AP2B1: variants seen among roughly 807,000 people sequenced by gnomAD.
AP2B1 encodes AP-2 complex subunit beta.
Under a neutral mutation model 102.0 loss-of-function variants are expected in AP2B1, and 23 were observed. That is an observed-to-expected ratio of 0.23 (90% CI 0.16 to 0.32). The LOEUF is 0.32. Ranked by LOEUF, AP2B1 falls within the 10% of genes least tolerant of loss-of-function variation. The pLI, the probability that AP2B1 is intolerant of heterozygous loss-of-function variation, is 1.00. For synonymous variants in AP2B1, 381 were observed against 421.2 expected, an observed-to-expected ratio of 0.90 and a Z score of 1.17; for missense variants, 541 against 1,157.4, an observed-to-expected ratio of 0.47 and a Z score of 7.73.
intron 18 of AP2B1, among the ~76,000 whole-genome samples, chr17:35,699,743 T>A (rs1239070721): frequency 6.6e-6 from 1 of 152,184 alleles, no homozygotes; most frequent in Non-Finnish European, 1.5e-5. Context: ...AGATAATTCA[T>A]TGGTCAATAG....
chr17:35,700,509 A>G (rs1221346080), intron 18 of AP2B1, among the ~76,000 whole-genome samples: 7 of 152,168 alleles, frequency 4.6e-5, no homozygotes, highest in Non-Finnish European at 1.0e-4. Context: ...AGATGATATA[A>G]TCTCAAAGGC....
Position 35,709,406 on chromosome 17 carries a change from T to TA in AP2B1, c.2539+107dup, listed in dbSNP as rs3214325. ...CAGAAGTTTTGAGTTATTTTGAGGT[T>TA]AAAAAAAAATGGGTTAAGGATATTC... is the stretch of plus-strand genomic sequence containing the variant. On this transcript the variant is annotated intron_variant, in intron 19 of 21. Coordinates refer to ENST00000610402, the MANE Select transcript of AP2B1 (RefSeq NM_001030006.2). 5,854 of 910,258 alleles carry TA rather than the reference T, an allele frequency of 6.4e-3. 115 individuals are homozygous for TA. In the East Asian group the frequency reaches 0.08, roughly 12 times the overall value. The allele number at this position is 910,258 out of a possible 1,614,324, so 56.4% of individuals were successfully genotyped here.
chr17:35,619,324 T>G (rs1340580677), intron 5 of AP2B1, among the ~76,000 whole-genome samples: 1 of 152,162 alleles, frequency 6.6e-6, no homozygotes, highest in Non-Finnish European at 1.5e-5. Context: ...TAGTATAATG[T>G]AAGTAAAAAT....
chr17:35,709,069 T>G (rs587661047), intron 18 of AP2B1, among the ~76,000 whole-genome samples, 155 bp from the exon 19 acceptor site: 1 of 152,246 alleles, frequency 6.6e-6, no homozygotes, highest in East Asian at 1.9e-4. Flanking sequence ...GGGTGTGCTT[T>G]GCAGTATATG....
At chr17:35,590,050 C>T (rs967710108) in intron 1 of AP2B1, among the ~76,000 whole-genome samples, 7 of 151,624 alleles carry the variant, frequency 4.6e-5, no homozygotes, top group South Asian at 2.1e-4. Flanking sequence ...CTCAGCTTCC[C>T]GAGTAGCTGG....
rs1598365062 is a variant in AP2B1, at chr17:35,718,583, C to T, written c.2781+1234C>T. On this transcript the variant is annotated intron_variant, in intron 21 of 21. Coordinates refer to ENST00000610402, the MANE Select transcript of AP2B1 (RefSeq NM_001030006.2). ...GTTTTACTATAAAACCAAGATAGCA[C>T]ATGCCTGTAATCCCAGCTACTGGAG... is the stretch of plus-strand genomic sequence containing the variant. 3.9e-5 allele frequency among the ~76,000 whole-genome samples: 6 copies of T among 152,138 alleles called. No homozygotes were observed. In the South Asian group the frequency reaches 1.2e-3, roughly 32 times the overall value.
chr17:35,617,978 G>A (rs959551800), intron 5 of AP2B1, among the ~76,000 whole-genome samples: 2 of 151,288 alleles, frequency 1.3e-5, no homozygotes, highest in African/African-American at 4.8e-5. Flanking sequence ...TTTATTTTTT[G>A]TAAACCTTGT....
At chr17:35,614,643 CTG>C (rs2142465888) in intron 5 of AP2B1, among the ~76,000 whole-genome samples, 1 of 95,104 alleles carries the variant, frequency 1.1e-5, no homozygotes, top group African/African-American at 4.1e-5. Flanking sequence ...AAATTGCAAA[CTG>C]TTGAATTAGT....
rs569512103 is a variant in AP2B1, at chr17:35,644,937, T to A, written c.1536+2962T>A. On this transcript the variant is annotated intron_variant, in intron 12 of 21. Coordinates refer to ENST00000610402, the MANE Select transcript of AP2B1 (RefSeq NM_001030006.2). The stretch of plus-strand genomic sequence containing the variant: ...ATCCCAGCTACTTGGGAGGTTGAGG[T>A]GGGAGGATCGCTTGAGCCCAGGAGG... Among the ~76,000 whole-genome samples, 10 of 151,016 alleles carry A rather than the reference T, an allele frequency of 6.6e-5. No individual in the cohort carries two copies. The East Asian group carries it at 1.8e-3, about 27-fold the overall frequency.
At chr17:35,628,813 T>C (rs2074385450) in intron 9 of AP2B1, among the ~76,000 whole-genome samples, 1 of 152,224 alleles carries the variant, frequency 6.6e-6, no homozygotes, top group African/African-American at 2.4e-5. Context: ...ATTGAAATAA[T>C]ATGCCTTTGT....
At chr17:35,684,506 T>G (rs1400538313) in intron 18 of AP2B1, among the ~76,000 whole-genome samples, 1 of 152,246 alleles carries the variant, frequency 6.6e-6, no homozygotes, top group Non-Finnish European at 1.5e-5. Context: ...GTTTGCCAGT[T>G]CACTAACTAC....
intron 10 of AP2B1, among the ~76,000 whole-genome samples, chr17:35,639,329 G>C (rs372875349): frequency 1.7e-4 from 26 of 152,100 alleles, no homozygotes; most frequent in African/African-American, 6.3e-4. Flanking sequence ...GTGAGACCCT[G>C]TCTCCCTGTC....
chr17:35,675,645 T>C (rs1420013217), intron 17 of AP2B1, among the ~76,000 whole-genome samples: 1 of 151,816 alleles, frequency 6.6e-6, no homozygotes, highest in African/African-American at 2.4e-5. Context: ...TTTTTTTTTT[T>C]TGTGGGGGGA....
intron 14 of AP2B1, among the ~76,000 whole-genome samples, chr17:35,669,734 C>G (rs896771417): frequency 1.3e-5 from 2 of 152,078 alleles, no homozygotes; most frequent in South Asian, 4.2e-4. Flanking sequence ...GAAGATAAAT[C>G]CTCTTTCCCC....
intron 3 of AP2B1, among the ~76,000 whole-genome samples, chr17:35,604,142 C>T (rs187628008): frequency 2.6e-3 from 398 of 152,156 alleles, no homozygotes; most frequent in African/African-American, 9.1e-3. Context: ...GGGTCTCTCT[C>T]TGTTCCTCAG....
chr17:35,661,004 G>A (rs530236840), intron 14 of AP2B1, among the ~76,000 whole-genome samples: 62 of 152,238 alleles, frequency 4.1e-4, no homozygotes, highest in African/African-American at 1.3e-3. Flanking sequence ...GGGAAGCAGC[G>A]TTTAGGTTAG....
Position 35,641,759 on chromosome 17 carries a change from A to G in AP2B1, c.1438-118A>G, listed in dbSNP as rs529131186. The stretch of plus-strand genomic sequence containing the variant: ...TTGAGTTTCAGCCTTTTGTCTCTTA[A>G]CCAAAATCAGAAAGGCTCCATAGTA... On this transcript the variant is annotated intron_variant, in intron 11 of 21. Transcript: ENST00000610402. 7.9e-6 allele frequency: 5 copies of G among 630,940 alleles called. No individual in the cohort carries two copies. The African/African-American group carries it at 9.0e-5, about 11-fold the overall frequency. 39.1% of individuals were successfully genotyped at this position (630,940 alleles called of 1,614,324 possible). A position where few individuals can be genotyped will look rare whatever the true frequency, so the allele number is the denominator to read the frequency against.
rs146934168 is a variant in AP2B1, at chr17:35,684,026, A to G, written c.2454+1202A>G. Reference sequence around the variant, plus strand: ...TACTTATGTAGGTGTAGTAACCTCCAAATCAATAAATTAATATAAAATTGG... The same window carrying G: ...TACTTATGTAGGTGTAGTAACCTCCGAATCAATAAATTAATATAAAATTGG... On this transcript the variant is annotated intron_variant, in intron 18 of 21. Coordinates refer to ENST00000610402, the MANE Select transcript of AP2B1 (RefSeq NM_001030006.2). 4.7e-3 allele frequency among the ~76,000 whole-genome samples: 714 copies of G among 152,356 alleles called. 4 individuals are homozygous for G. Among genetic ancestry groups the G allele is most frequent in the African/African-American group, 0.016 (677 of 41,580 alleles).
chr17:35,628,104 C>A (rs888232151), intron 9 of AP2B1, among the ~76,000 whole-genome samples: 1 of 152,078 alleles, frequency 6.6e-6, no homozygotes, highest in African/African-American at 2.4e-5. Flanking sequence ...AAAAATATAA[C>A]AATTATTTAC....
Sources: gnomAD v4.1 joint callset for allele counts (sites outside exome capture counted in the v4.1 genomes callset) on GRCh38, gnomAD v4.1.1 for gene constraint, MANE v1.5 for transcripts, NCBI Gene and HGNC (gene_info 2026-07-23, HGNC 2026-07-21) for gene names.